The following NFYB variants were observed in gnomAD, a reference collection of about 807,000 sequenced individuals.
The protein encoded by NFYB is nuclear transcription factor Y subunit beta.
A neutral mutation model predicts 28.0 loss-of-function variants in NFYB; 13 were observed. The observed-to-expected ratio is 0.46, with a 90% CI of 0.30 to 0.74. NFYB has a LOEUF of 0.74. Ranked by LOEUF, NFYB falls within the 30% of genes least tolerant of loss-of-function variation. NFYB has a pLI of 0.07. For synonymous variants in NFYB, 74 were observed against 75.0 expected (o/e 0.99, Z 0.07); for missense variants, 142 against 247.6 (o/e 0.57, Z 2.86).
rs374433754 is a variant in NFYB at position 104,125,849 on chromosome 12, CAAAAAA to C, written c.231+259_231+264del. Among the ~76,000 whole-genome samples the C allele has an allele frequency of 4.3e-3, 309 of 72,224 alleles. No homozygotes were observed. The Middle Eastern group carries it at 0.069, about 16-fold the overall frequency. The allele number at this position is 72,224 out of a possible 152,430, so 47.4% of individuals were successfully genotyped here. A position where few individuals can be genotyped will look rare whatever the true frequency, so the allele number is the denominator to read the frequency against. On this transcript the variant is annotated intron_variant, in intron 4 of 7. Transcript: ENST00000240055. ...GCCAATAAGAGTGAAACTCTGTCCC[CAAAAAA>C]AAAAAAAAAAAAAAAAAACAGTCTA...
In NFYB at chr12:104,119,780, A is replaced by G. The variant is rs370690289; in HGVS notation, c.592-11T>C. The G allele has an allele frequency of 1.3e-6, 2 of 1,580,028 alleles. No individual in the cohort carries two copies. The highest frequency in any genetic ancestry group is 1.1e-5 in the South Asian group (1 of 89,858). Reference sequence around the variant, plus strand: ...CTGAACACCAGAAATCTAAGATTAGAAAATTTAAATTGAGCAGAATTAAAG... The same window carrying G: ...CTGAACACCAGAAATCTAAGATTAGGAAATTTAAATTGAGCAGAATTAAAG... On this transcript the variant is annotated splice_polypyrimidine_tract_variant and intron_variant, in intron 7 of 7. Coordinates refer to ENST00000240055, the MANE Select transcript of NFYB (RefSeq NM_006166.4).
intron 1 of NFYB, chr12:104,137,715 G>A (rs1032625091): frequency 2.0e-5 from 3 of 148,212 alleles, no homozygotes; most frequent in Admixed American, 2.0e-4. Context: ...GCCGCCGCCG[G>A]GGCTACGGGG....
At chr12:104,129,640 A>G (rs1593634006) in intron 2 of NFYB, among the ~76,000 whole-genome samples, 2 of 152,256 alleles carry the variant, frequency 1.3e-5, no homozygotes, top group Non-Finnish European at 1.5e-5. Context: ...GAACTTTGGG[A>G]AGCCAAGGTG....
chr12:104,131,710 A>G (rs933267780), intron 2 of NFYB: 3 of 455,648 alleles, frequency 6.6e-6, no homozygotes, highest in Non-Finnish European at 1.3e-5. Context: ...GATTGTCAGT[A>G]AGCCAGCCAA....
chr12:104,137,068 T>C (rs1209547661), intron 1 of NFYB, among the ~76,000 whole-genome samples: 1 of 152,204 alleles, frequency 6.6e-6, no homozygotes, highest in South Asian at 2.1e-4. Flanking sequence ...TCCGTTTGCT[T>C]TCATCACTTT....
chr12:104,127,297 C>T (rs564723837), intron 3 of NFYB, among the ~76,000 whole-genome samples: 2 of 152,188 alleles, frequency 1.3e-5, no homozygotes, highest in East Asian at 3.9e-4. Context: ...TCAGGCCAGG[C>T]GTGGTGGCTC....
rs754442353 is a variant in NFYB, at chr12:104,120,458, A to C, written c.533T>G (p.Leu178Ter). 6.2e-7 allele frequency: 1 copy of C among 1,613,766 alleles called. No homozygotes were observed. The highest frequency in any genetic ancestry group is 1.3e-5 in the African/African-American group (1 of 74,932). Reference protein sequence around the residue: ...EAFTNQLPAGLITTDGQQQNV... With the variant: ...EAFTNQLPAG Reference sequence around the variant, plus strand: ...TTGTTGTTGACCGTCTGTGGTTATTAAGCCAGCTGGTAACTGGTTAGCTAA... The same window carrying C: ...TTGTTGTTGACCGTCTGTGGTTATTCAGCCAGCTGGTAACTGGTTAGCTAA... The change falls in exon 7 of 8, where the codon TTA (leucine) becomes TGA (stop). Residue 178 changes from leucine (L) to a stop codon, truncating the protein, a stop_gained. Transcript: ENST00000240055. LOFTEE classifies it high-confidence loss of function.
At chr12:104,136,202 T>G (rs954205373) in intron 1 of NFYB, among the ~76,000 whole-genome samples, 4 of 152,182 alleles carry the variant, frequency 2.6e-5, no homozygotes, top group African/African-American at 9.7e-5. Context: ...AAGGCATAAA[T>G]AGCTGAACAA....
intron 4 of NFYB, among the ~76,000 whole-genome samples, chr12:104,124,792 G>A (rs2030619121): frequency 2.0e-5 from 3 of 152,120 alleles, no homozygotes; most frequent in East Asian, 1.9e-4. Flanking sequence ...ACTGACCAGC[G>A]GCATAGCTGG....
Position 104,133,656 on chromosome 12 carries a change from C to T in NFYB, c.6+1792G>A, listed in dbSNP as rs150760610. On this transcript the variant is annotated intron_variant, in intron 2 of 7. Coordinates refer to ENST00000240055, the MANE Select transcript of NFYB (RefSeq NM_006166.4). ...AATCTTAGTATTGCCCCCTCAAATA[C>T]GGTTCTCATTATTCTTCCAGGCAGA... Among the ~76,000 whole-genome samples the T allele has an allele frequency of 4.1e-3, 625 of 152,306 alleles. 3 individuals are homozygous for T. Among genetic ancestry groups the T allele is most frequent in the African/African-American group, 0.014 (591 of 41,542 alleles).
intron 7 of NFYB, among the ~76,000 whole-genome samples, chr12:104,120,146 C>G (rs990597295): frequency 6.6e-6 from 1 of 152,034 alleles, no homozygotes; most frequent in Non-Finnish European, 1.5e-5. Flanking sequence ...ACCTCCACCT[C>G]CAGGGTTCAA....
At chr12:104,136,238 G>A (rs2031096301) in intron 1 of NFYB, among the ~76,000 whole-genome samples, 1 of 152,172 alleles carries the variant, frequency 6.6e-6, no homozygotes, top group African/African-American at 2.4e-5. Flanking sequence ...TGTGTTACAA[G>A]TTTCATTTCT....
Position 104,126,441 on chromosome 12 carries a change from G to A in NFYB, c.101-197C>T, listed in dbSNP as rs539985494. Among the ~76,000 whole-genome samples, 3 of 152,096 alleles carry A rather than the reference G, an allele frequency of 2.0e-5. No homozygotes were observed. In the East Asian group the frequency reaches 5.8e-4, roughly 29 times the overall value. ...TTTTTTTATTAATTTCAGACTCACT[G>A]CCTAGAACACTTTTTATCCTCAAAT... On this transcript the variant is annotated intron_variant, in intron 3 of 7. Transcript: ENST00000240055.
At chr12:104,130,658 T>G (rs2030890013) in intron 2 of NFYB, among the ~76,000 whole-genome samples, 1 of 152,092 alleles carries the variant, frequency 6.6e-6, no homozygotes, top group Non-Finnish European at 1.5e-5. Context: ...AATACCACCC[T>G]CCCCATCTTA....
intron 4 of NFYB, 92 bp from the exon 5 acceptor site, chr12:104,123,515 C>A: frequency 4.2e-6 from 4 of 945,392 alleles, no homozygotes; most frequent in Non-Finnish European, 6.5e-6. Flanking sequence ...AAGAACACAT[C>A]TTCACTTTAT....
Position 104,119,744 on chromosome 12 carries a change from AACTGAATTTGCTGAAC to A in NFYB, c.601_616del (p.Val201PhefsTer7). On this transcript the variant is annotated frameshift_variant, in exon 8 of 8. Transcript: ENST00000240055. LOFTEE classifies it high-confidence loss of function. Reference sequence around the variant, plus strand: ...TTCCATCATTTCTTCAGATCATGAAAACTGAATTTGCTGAACACCAGAAATCTAAGATTAGAAAATT... The same window carrying A: ...TTCCATCATTTCTTCAGATCATGAAAACCAGAAATCTAAGATTAGAAAATT... The A allele has an allele frequency of 6.2e-7, 1 of 1,603,640 alleles. No homozygotes were observed. The highest frequency in any genetic ancestry group is 8.5e-7 in the Non-Finnish European group (1 of 1,171,508).
At chr12:104,125,299 G>A (rs12311056) in intron 4 of NFYB, 3,375 of 154,118 alleles carry the variant, frequency 0.022, 125 homozygotes, top group African/African-American at 0.077. Flanking sequence ...AAGCAGGGTC[G>A]GGCCTGGTTA....
chr12:104,121,272 C>T lies in NFYB; in HGVS notation c.479G>A (p.Gly160Glu), dbSNP rs182132576. 1.4e-5 allele frequency: 22 copies of T among 1,612,692 alleles called. No individual in the cohort carries two copies. Among genetic ancestry groups the T allele is most frequent in the Admixed American group, 6.7e-5 (4 of 59,994 alleles). ...CTCCTCTGTAAGCTCTTCACTTAGT[C>T]CATCTGTAGCTGTGACTGCTCCACC... is the stretch of plus-strand genomic sequence containing the variant. ...GIGGAVTATD[G>E]LSEELTEEAF... The change falls in exon 6 of 8, where the codon GGA becomes GAA. Residue 160 changes from glycine to glutamate, a missense_variant. By Grantham distance (98) the Gly-to-Glu change is moderately conservative (BLOSUM62 -2). This residue lies in a region of NFYB where 88 missense variants were observed against 189.5 expected (regional missense o/e 0.46). Transcript: ENST00000240055.
At position 104,118,691 on chromosome 12, in the gene NFYB, A is replaced by T. The variant is rs760304818; in HGVS notation, c.*1046T>A. 6.6e-6 allele frequency: 1 copy of T among 152,230 alleles called. No individual in the cohort carries two copies. The highest frequency in any genetic ancestry group is 1.5e-5 in the Non-Finnish European group (1 of 68,028). 9.4% of individuals were successfully genotyped at this position (152,230 alleles called of 1,614,324 possible). A position where few individuals can be genotyped will look rare whatever the true frequency, so the allele number is the denominator to read the frequency against. On this transcript the variant is annotated 3_prime_UTR_variant, in exon 8 of 8. Transcript: ENST00000240055. ...AGTTTATTGCAGAGATGAAGACAGC[A>T]TACTAGAAGTTGGCTTCTATTTCAC...
Sources: allele counts gnomAD v4.1 joint callset (sites outside exome capture counted in the v4.1 genomes callset), GRCh38; gene constraint gnomAD v4.1.1; regional missense constraint gnomAD v4.1.1; transcripts MANE v1.5; gene names NCBI Gene and HGNC (gene_info 2026-07-23, HGNC 2026-07-21).